Variants in ANO6 observed in about 807,000 individuals in gnomAD.
The protein encoded by ANO6 is anoctamin 6.
In ANO6, 106 loss-of-function variants were observed where a neutral mutation model predicts 117.5. The observed-to-expected ratio is 0.90, with a 90% CI of 0.77 to 1.06. The LOEUF (loss-of-function observed/expected upper bound fraction) is 1.06, where lower values mean the gene tolerates loss of function less well. ANO6 is among the 50% of genes least tolerant of loss of function. The pLI is 0.00. For synonymous variants in ANO6, 367 were observed against 385.1 expected (o/e 0.95, Z 0.55); for missense variants, 955 against 1,121.1 (o/e 0.85, Z 2.12).
chr12:45,331,956 A>G (rs1940679217), intron 3 of ANO6, among the ~76,000 whole-genome samples: 2 of 152,062 alleles, frequency 1.3e-5, no homozygotes, highest in Non-Finnish European at 2.9e-5. Flanking sequence ...CCATGGTTCA[A>G]ACTGTCTTGA....
chr12:45,290,149 A>G (rs1164271610), intron 1 of ANO6, among the ~76,000 whole-genome samples: 2 of 152,188 alleles, frequency 1.3e-5, no homozygotes, highest in African/African-American at 4.8e-5. Flanking sequence ...CATTAGTAAT[A>G]GAGACAATAT....
intron 1 of ANO6, among the ~76,000 whole-genome samples, chr12:45,288,703 C>G (rs1399183621): frequency 5.9e-5 from 9 of 152,254 alleles, no homozygotes; most frequent in Middle Eastern, 6.8e-3. Flanking sequence ...AGAGCTCCTA[C>G]TTCTAATTCT....
At position 45,216,218 on chromosome 12, in the gene ANO6, C is replaced by A; in HGVS notation, c.-104C>A. 7.4e-7 allele frequency: 1 copy of A among 1,358,344 alleles called. No homozygotes were observed. Among genetic ancestry groups the A allele is most frequent in the Non-Finnish European group, 1.0e-6 (1 of 975,222 alleles). 84.1% of individuals were successfully genotyped at this position (1,358,344 alleles called of 1,614,324 possible). Reference sequence around the variant, plus strand: ...CAGCGGCCCCTGAGCCCAAGCGACACACGCCCCGCGGTCCCCGATCCGGCC... The same window carrying A: ...CAGCGGCCCCTGAGCCCAAGCGACAAACGCCCCGCGGTCCCCGATCCGGCC... On this transcript the variant is annotated 5_prime_UTR_variant, in exon 1 of 20. Coordinates refer to ENST00000320560, the MANE Select transcript of ANO6 (RefSeq NM_001025356.3).
At chr12:45,319,290 A>G (rs1658131628) in intron 2 of ANO6, among the ~76,000 whole-genome samples, 1 of 152,212 alleles carries the variant, frequency 6.6e-6, no homozygotes, top group African/African-American at 2.4e-5. Context: ...GATACATTCC[A>G]TCAATACCTA....
chr12:45,435,633 AAT>A (rs1403107903), downstream of ANO6, among the ~76,000 whole-genome samples: 1 of 152,144 alleles, frequency 6.6e-6, no homozygotes, highest in Non-Finnish European at 1.5e-5. Flanking sequence ...GTATCTTAAG[AAT>A]ATAGTTGGCA....
chr12:45,230,302 G>A (rs1429742718), intron 1 of ANO6, among the ~76,000 whole-genome samples: 2 of 151,934 alleles, frequency 1.3e-5, no homozygotes, highest in African/African-American at 4.8e-5. Flanking sequence ...TGATATGACT[G>A]AAAAGGACCT....
At chr12:45,264,810 C>CA (rs1938161727) in intron 1 of ANO6, among the ~76,000 whole-genome samples, 1 of 152,152 alleles carries the variant, frequency 6.6e-6, no homozygotes, top group Non-Finnish European at 1.5e-5. Flanking sequence ...TATCATGACA[C>CA]TAAATATAAG....
chr12:45,281,209 A>G (rs1385887938), intron 1 of ANO6, among the ~76,000 whole-genome samples: 1 of 152,218 alleles, frequency 6.6e-6, no homozygotes, highest in Non-Finnish European at 1.5e-5. Flanking sequence ...ACTGTGTACA[A>G]AGATTCTGGC....
At chr12:45,368,546 T>C (rs1433893402) in intron 9 of ANO6, among the ~76,000 whole-genome samples, 1 of 152,208 alleles carries the variant, frequency 6.6e-6, no homozygotes, top group Non-Finnish European at 1.5e-5. Context: ...TCGTGAGCTT[T>C]ATGACTTCTT....
intron 1 of ANO6, among the ~76,000 whole-genome samples, chr12:45,276,540 T>A (rs1240185963): frequency 2.6e-5 from 4 of 152,116 alleles, no homozygotes; most frequent in South Asian, 4.1e-4. Flanking sequence ...TCCTCATACT[T>A]CATGTCTCAA....
intron 2 of ANO6, among the ~76,000 whole-genome samples, chr12:45,302,406 G>A (rs1367823833): frequency 6.6e-6 from 1 of 152,166 alleles, no homozygotes; most frequent in Non-Finnish European, 1.5e-5. Flanking sequence ...ATTGCTGTCA[G>A]TATCTGTTGT....
intron 9 of ANO6, among the ~76,000 whole-genome samples, chr12:45,371,596 G>A (rs528407477): frequency 1.3e-5 from 2 of 152,048 alleles, no homozygotes; most frequent in Admixed American, 6.5e-5. Flanking sequence ...CCCCAGCAGG[G>A]GCACACTGAC....
intron 2 of ANO6, among the ~76,000 whole-genome samples, chr12:45,320,100 AT>A (rs1426395023): frequency 6.6e-6 from 1 of 151,722 alleles, no homozygotes; most frequent in Non-Finnish European, 1.5e-5. Flanking sequence ...TTGAAGGGTT[AT>A]TTGTGTTTCT....
chr12:45,334,323 C>G (rs921558469), intron 3 of ANO6, among the ~76,000 whole-genome samples: 23 of 152,054 alleles, frequency 1.5e-4, no homozygotes, highest in Admixed American at 1.4e-3. Context: ...ATTATTTTCT[C>G]ATTTAAGTAG....
At chr12:45,249,771 C>T (rs2137184597) in intron 1 of ANO6, among the ~76,000 whole-genome samples, 1 of 152,320 alleles carries the variant, frequency 6.6e-6, no homozygotes, top group African/African-American at 2.4e-5. Flanking sequence ...AGCCTGTGAC[C>T]TCTAGTTACT....
rs557357512 is a variant in ANO6 at position 45,380,551 on chromosome 12, T to G, written c.1165+2438T>G. On this transcript the variant is annotated intron_variant, in intron 10 of 19. Coordinates refer to ENST00000320560, the MANE Select transcript of ANO6 (RefSeq NM_001025356.3). ...ACCAGCAAAATAATGCATCTCCTGCTACCACCACCCTGACTCTGTTCAGCC... is the reference window on the plus strand; with the variant it reads ...ACCAGCAAAATAATGCATCTCCTGCGACCACCACCCTGACTCTGTTCAGCC... Among the ~76,000 whole-genome samples the G allele has an allele frequency of 2.3e-4, 35 of 152,318 alleles. No homozygotes were observed. The South Asian group carries it at 7.2e-3, about 32-fold the overall frequency.
intron 13 of ANO6, 103 bp from the exon 14 acceptor site, chr12:45,402,969 T>G (rs758075644): frequency 9.1e-6 from 10 of 1,095,776 alleles, no homozygotes; most frequent in Non-Finnish European, 1.2e-5. Flanking sequence ...AATTGTATTT[T>G]TTTAACGTGT....
chr12:45,331,270 CA>C, intron 2 of ANO6, 24 bp from the exon 3 acceptor site: 1 of 1,583,662 alleles, frequency 6.3e-7, no homozygotes, highest in Non-Finnish European at 8.6e-7. Flanking sequence ...TTATATATTA[CA>C]ATTTGTTTTT....
chr12:45,338,533 G>C (rs1341424409), intron 3 of ANO6, among the ~76,000 whole-genome samples: 1 of 151,974 alleles, frequency 6.6e-6, no homozygotes, highest in African/African-American at 2.4e-5. Flanking sequence ...TCTGTCTTTT[G>C]TTTTAGGGAG....
Sources: allele counts gnomAD v4.1 joint callset (sites outside exome capture counted in the v4.1 genomes callset), GRCh38; gene constraint gnomAD v4.1.1; transcripts MANE v1.5; gene names NCBI Gene and HGNC (gene_info 2026-07-23, HGNC 2026-07-21).